PRDM1: variants seen among roughly 807,000 people sequenced by gnomAD.
PRDM1 encodes PR/SET domain 1, also known as PR domain zinc finger protein 1.
Under a neutral mutation model 62.8 loss-of-function variants are expected in PRDM1, and 13 were observed. The observed-to-expected ratio is 0.21, with a 90% CI of 0.13 to 0.33. The LOEUF (loss-of-function observed/expected upper bound fraction) is 0.33. PRDM1 is among the 10% of genes least tolerant of loss of function. PRDM1 has a pLI of 1.00. For synonymous variants in PRDM1, 396 were observed against 417.6 expected (o/e 0.95, Z 0.63); for missense variants, 895 against 1,058.8 (o/e 0.85, Z 2.15).
At chr6:106,027,089 T>C (rs1772775364) in intron 1 of PRDM1, among the ~76,000 whole-genome samples, 1 of 152,240 alleles carries the variant, frequency 6.6e-6, no homozygotes, top group Admixed American at 6.5e-5. Context: ...CAATATGTCC[T>C]ATGTGATCTA....
upstream of PRDM1, among the ~76,000 whole-genome samples, chr6:106,081,744 C>T (rs1773697808): frequency 6.6e-6 from 1 of 152,142 alleles, no homozygotes; most frequent in Non-Finnish European, 1.5e-5. Context: ...AATCGTCAGT[C>T]CCATTTTAAA....
chr6:106,056,021 G>A (rs1034208292), intron 1 of PRDM1, among the ~76,000 whole-genome samples: 15 of 151,904 alleles, frequency 9.9e-5, no homozygotes, highest in African/African-American at 3.4e-4. Context: ...TTTAACTCAA[G>A]GAAAAACACA....
chr6:106,038,630 A>C (rs996037108), intron 1 of PRDM1, among the ~76,000 whole-genome samples: 2 of 152,196 alleles, frequency 1.3e-5, no homozygotes, highest in African/African-American at 4.8e-5. Flanking sequence ...TCTACACTCC[A>C]TGATCCAAAG....
chr6:106,041,420 T>G (rs1255812882), intron 1 of PRDM1, among the ~76,000 whole-genome samples: 2 of 152,256 alleles, frequency 1.3e-5, no homozygotes, highest in Non-Finnish European at 2.9e-5. Flanking sequence ...TGCTTTAGGT[T>G]ATTGCTGTTA....
chr6:106,067,843 G>C (rs1301515309), intron 1 of PRDM1, among the ~76,000 whole-genome samples: 1 of 152,086 alleles, frequency 6.6e-6, no homozygotes, highest in Non-Finnish European at 1.5e-5. Context: ...TGAGTCGTAT[G>C]CTCTAAAATG....
At chr6:106,032,294 G>A (rs1029696593) in intron 1 of PRDM1, among the ~76,000 whole-genome samples, 2 of 151,632 alleles carry the variant, frequency 1.3e-5, no homozygotes, top group African/African-American at 4.9e-5. Context: ...CAGTAGTTGG[G>A]ACTAGAGGTG....
chr6:106,057,470 T>C (rs1185888356), intron 1 of PRDM1, among the ~76,000 whole-genome samples: 1 of 152,246 alleles, frequency 6.6e-6, no homozygotes, highest in Admixed American at 6.5e-5. Flanking sequence ...TTTTTCACTA[T>C]AATTTTTGGT....
Position 106,097,580 on chromosome 6 carries a change from T to C in PRDM1, c.412-1720T>C. Reference sequence around the variant, plus strand: ...ACATTTCTTGTAACTGTACTATGAATCAGCGCATTTTAATCTTCTAGATAA... The same window carrying C: ...ACATTTCTTGTAACTGTACTATGAACCAGCGCATTTTAATCTTCTAGATAA... On this transcript the variant is annotated intron_variant, in intron 3 of 6. Coordinates refer to ENST00000369096, the MANE Select transcript of PRDM1 (RefSeq NM_001198.4). 1.3e-5 allele frequency among the ~76,000 whole-genome samples: 2 copies of C among 152,254 alleles called. 1 individual carries two copies. The highest frequency in any genetic ancestry group is 1.3e-4 in the Admixed American group (2 of 15,286).
In PRDM1 at chr6:106,105,638, A is replaced by G; in HGVS notation, c.1478A>G (p.His493Arg). The G allele has an allele frequency of 1.2e-6, 2 of 1,613,208 alleles. No homozygotes were observed. Among genetic ancestry groups the G allele is most frequent in the Non-Finnish European group, 1.7e-6 (2 of 1,179,446 alleles). ...HPREVLVPAPHSAFSFTGAAA... is the reference protein window; with the variant it reads ...HPREVLVPAPRSAFSFTGAAA... ...AGGGAGGTGCTTGTCCCGGCGCCCCACAGTGCCTTCTCCTTTACCGGGGCC... is the reference window on the plus strand; with the variant it reads ...AGGGAGGTGCTTGTCCCGGCGCCCCGCAGTGCCTTCTCCTTTACCGGGGCC... The change falls in exon 5 of 7, where the codon CAC becomes CGC. Residue 493 changes from histidine to arginine, a missense_variant. His to Arg is a conservative substitution (Grantham distance 29). Transcript: ENST00000369096.
chr6:106,051,559 G>C (rs1239534186), intron 1 of PRDM1, among the ~76,000 whole-genome samples: 1 of 152,184 alleles, frequency 6.6e-6, no homozygotes, highest in Non-Finnish European at 1.5e-5. Flanking sequence ...CTGTTATTTT[G>C]CTTGTTTAAC....
chr6:105,998,791 A>G (rs2114539637), intron 1 of PRDM1, among the ~76,000 whole-genome samples: 1 of 151,900 alleles, frequency 6.6e-6, no homozygotes, highest in Admixed American at 6.6e-5. Flanking sequence ...TACCATTTAT[A>G]GTTCTGCCTC....
intron 1 of PRDM1, among the ~76,000 whole-genome samples, chr6:106,077,053 G>A (rs1259691905): frequency 6.6e-6 from 1 of 152,184 alleles, no homozygotes; most frequent in African/African-American, 2.4e-5. Context: ...TGTTGTCAGA[G>A]GTAAGTTCTT....
intron 1 of PRDM1, among the ~76,000 whole-genome samples, chr6:106,003,260 C>T (rs552375036): frequency 6.6e-6 from 1 of 152,306 alleles, no homozygotes; most frequent in African/African-American, 2.4e-5. Flanking sequence ...GGACTATAAA[C>T]ACAAATCAGG....
intron 1 of PRDM1, among the ~76,000 whole-genome samples, chr6:106,032,524 G>A (rs763368590): frequency 2.0e-5 from 3 of 151,784 alleles, no homozygotes; most frequent in Non-Finnish European, 2.9e-5. Context: ...TGCAACCTCC[G>A]CCTCCTGGGT....
chr6:106,058,615 C>T (rs1019412228), intron 1 of PRDM1, among the ~76,000 whole-genome samples: 2 of 152,042 alleles, frequency 1.3e-5, no homozygotes, highest in Admixed American at 6.6e-5. Flanking sequence ...TGTTGTTGCC[C>T]AGGATGGAGT....
chr6:106,022,980 T>C (rs375704207), intron 1 of PRDM1, among the ~76,000 whole-genome samples: 15 of 152,250 alleles, frequency 9.9e-5, no homozygotes, highest in African/African-American at 3.6e-4. Context: ...GCTGCTGCGA[T>C]TCTTTTGTGT....
chr6:106,052,640 C>T (rs1354315182), intron 1 of PRDM1, among the ~76,000 whole-genome samples: 4 of 151,942 alleles, frequency 2.6e-5, no homozygotes, highest in Non-Finnish European at 4.4e-5. Context: ...CACCCGAATA[C>T]GTCTCAACTA....
intron 2 of PRDM1, among the ~76,000 whole-genome samples, chr6:106,089,515 T>C (rs373164594): frequency 8.1e-4 from 124 of 152,342 alleles, no homozygotes; most frequent in Non-Finnish European, 1.5e-3. Flanking sequence ...TGTTTGTGTG[T>C]CTGAGTCCAG....
At chr6:106,024,133 C>T (rs1407139305) in intron 1 of PRDM1, among the ~76,000 whole-genome samples, 4 of 143,664 alleles carry the variant, frequency 2.8e-5, no homozygotes, top group Non-Finnish European at 6.3e-5. Flanking sequence ...CAAAGCAAGA[C>T]CGTGTCTCAA....
Sources: gnomAD v4.1 joint callset for allele counts (sites outside exome capture counted in the v4.1 genomes callset) on GRCh38, gnomAD v4.1.1 for gene constraint, MANE v1.5 for transcripts, NCBI Gene and HGNC (gene_info 2026-07-23, HGNC 2026-07-21) for gene names.